Variants in MGAM2 observed in about 807,000 individuals in gnomAD.
The protein encoded by MGAM2 is maltase-glucoamylase 2 (putative).
MGAM2 carries 98 observed loss-of-function variants against 96.1 expected under a neutral mutation model. The observed-to-expected ratio is 1.02, with a 90% CI of 0.87 to 1.21. MGAM2 has a LOEUF of 1.21. MGAM2 is among the 50% of genes most tolerant of loss of function. The pLI, the probability that MGAM2 is intolerant of heterozygous loss-of-function variation, is 0.00. For synonymous variants in MGAM2, 749 were observed against 414.8 expected, an observed-to-expected ratio of 1.81 and a Z score of -9.79; for missense variants, 2,055 against 1,182.4, an observed-to-expected ratio of 1.74 and a Z score of -10.82.
intron 45 of MGAM2, among the ~76,000 whole-genome samples, chr7:142,205,588 C>A (rs1241930845): frequency 6.6e-6 from 1 of 151,934 alleles, no homozygotes; most frequent in Non-Finnish European, 1.5e-5. Flanking sequence ...TTTACATGTA[C>A]TTATTATTCA....
chr7:142,130,654 C>T (rs183495276), intron 3 of MGAM2, among the ~76,000 whole-genome samples: 62 of 152,318 alleles, frequency 4.1e-4, no homozygotes, highest in Middle Eastern at 3.4e-3. Flanking sequence ...CTCATATCAT[C>T]ATACTGTATG....
chr7:142,209,082 A>C (rs954217178), intron 46 of MGAM2, among the ~76,000 whole-genome samples: 2 of 152,116 alleles, frequency 1.3e-5, no homozygotes, highest in Admixed American at 1.3e-4. Context: ...TAGCTCACAT[A>C]CATCTCCAGT....
intron 23 of MGAM2, among the ~76,000 whole-genome samples, chr7:142,162,219 T>C (rs1302711171): frequency 6.6e-6 from 1 of 152,092 alleles, no homozygotes; most frequent in African/African-American, 2.4e-5. Context: ...AGAACTTTTT[T>C]TTTCCTGGAA....
rs149170691 is a variant in MGAM2 at position 142,183,231 on chromosome 7, C to T, written c.3817-35C>T. 6.4e-4 allele frequency: 441 copies of T among 686,392 alleles called. 3 individuals carry two copies. Among genetic ancestry groups the T allele is most frequent in the African/African-American group, 4.9e-3 (276 of 56,666 alleles). 42.5% of individuals were successfully genotyped at this position (686,392 alleles called of 1,614,324 possible). A position where few individuals can be genotyped will look rare whatever the true frequency, so the allele number is the denominator to read the frequency against. ...AGAGAAATTTTCTTAGAGATGTTTTCCTCACATTTGCTGTTTGAAATTCTT... is the reference window on the plus strand; with the variant it reads ...AGAGAAATTTTCTTAGAGATGTTTTTCTCACATTTGCTGTTTGAAATTCTT... On this transcript the variant is annotated intron_variant, in intron 32 of 47. Transcript: ENST00000477922.
At chr7:142,131,094 G>T (rs773306010) in intron 4 of MGAM2, 23 bp downstream of exon 4, 2 of 699,524 alleles carry the variant, frequency 2.9e-6, no homozygotes, top group South Asian at 3.0e-5. Context: ...CTGATGTTGC[G>T]CCTGGGAACA....
At chr7:142,165,742 G>T (rs948935616) in intron 24 of MGAM2, among the ~76,000 whole-genome samples, 2 of 152,162 alleles carry the variant, frequency 1.3e-5, no homozygotes, top group Non-Finnish European at 2.9e-5. Context: ...TTATAAAGTG[G>T]TTATCACAGT....
At chr7:142,131,464 C>A (rs980820236) in intron 4 of MGAM2, 54 bp from the exon 5 acceptor site, 44 of 682,802 alleles carry the variant, frequency 6.4e-5, no homozygotes, top group Middle Eastern at 2.3e-4. Context: ...AAAACAAAAC[C>A]AAACACTAAA....
chr7:142,139,431 G>A (rs552224226), intron 10 of MGAM2, among the ~76,000 whole-genome samples: 32 of 151,962 alleles, frequency 2.1e-4, no homozygotes, highest in African/African-American at 6.3e-4. Context: ...AGGCTGAGGC[G>A]GGCAGATCAC....
intron 37 of MGAM2, among the ~76,000 whole-genome samples, chr7:142,193,664 A>G (rs1445062753): frequency 2.6e-5 from 4 of 152,252 alleles, no homozygotes; most frequent in African/African-American, 7.2e-5. Flanking sequence ...TTTCCAACCT[A>G]GATTCCAGAT....
At chr7:142,175,881 CCTGTACT>C (rs1457140199) in intron 32 of MGAM2, 101 bp downstream of exon 32, 2 of 582,340 alleles carry the variant, frequency 3.4e-6, no homozygotes, top group East Asian at 3.0e-5. Flanking sequence ...CAGAAATGTT[CCTGTACT>C]CTGTACTTTT....
At chr7:142,179,640 T>C (rs571866754) in intron 32 of MGAM2, among the ~76,000 whole-genome samples, 1 of 152,340 alleles carries the variant, frequency 6.6e-6, no homozygotes, top group East Asian at 1.9e-4. Flanking sequence ...TAATTCTGTT[T>C]ATATGGCGAA....
Position 142,221,173 on chromosome 7 carries a change from C to A in MGAM2, c.6662C>A (p.Thr2221Asn). The change falls in exon 48 of 48, where the codon ACT becomes AAT. Residue 2221 changes from threonine to asparagine, a missense_variant. Coordinates refer to ENST00000477922, the MANE Select transcript of MGAM2 (RefSeq NM_001293626.2). ...AMNTTVIMAT[T>N]SPTSTDVAST... Reference sequence around the variant, plus strand: ...AACACTACTGTTATTATGGCAACTACTTCTCCTACAAGTACTGATGTTGCT... The same window carrying A: ...AACACTACTGTTATTATGGCAACTAATTCTCCTACAAGTACTGATGTTGCT... 1.4e-6 allele frequency: 1 copy of A among 702,554 alleles called. No individual in the cohort carries two copies. Among genetic ancestry groups the A allele is most frequent in the Non-Finnish European group, 2.6e-6 (1 of 384,760 alleles). 43.5% of individuals were successfully genotyped at this position (702,554 alleles called of 1,614,324 possible).
chr7:142,202,123 A>G (rs895675541), intron 45 of MGAM2, among the ~76,000 whole-genome samples: 2 of 152,212 alleles, frequency 1.3e-5, no homozygotes, highest in Non-Finnish European at 2.9e-5. Context: ...AGAAAATACA[A>G]ATCCAGTCTA....
intron 45 of MGAM2, among the ~76,000 whole-genome samples, chr7:142,204,987 C>T (rs938706731): frequency 6.6e-6 from 1 of 152,034 alleles, no homozygotes. Context: ...ATATTCCTGT[C>T]TCTTGGGAAA....
chr7:142,158,067 C>T lies in MGAM2; in HGVS notation c.2054C>T (p.Thr685Met), dbSNP rs535782000. Residue 685 changes from threonine to methionine, a missense_variant, in exon 18 of 48, where the codon ACG becomes ATG. Coordinates refer to ENST00000477922, the MANE Select transcript of MGAM2 (RefSeq NM_001293626.2). ...TACCATGCTCACACCCGGGGAGAGA[C>T]GGTAGCAAGGCCCCTTGTACATGAG... ...LFYHAHTRGE[T>M]VARPLVHEFY... 1.4e-4 allele frequency: 97 copies of T among 702,822 alleles called. No individual in the cohort carries two copies. Among genetic ancestry groups the T allele is most frequent in the South Asian group, 6.5e-4 (44 of 67,582 alleles). 43.5% of individuals were successfully genotyped at this position (702,822 alleles called of 1,614,324 possible).
intron 25 of MGAM2, 54 bp downstream of exon 25, chr7:142,166,307 G>C (rs1796025532): frequency 1.6e-6 from 1 of 640,420 alleles, no homozygotes; most frequent in Non-Finnish European, 2.8e-6. Flanking sequence ...TAGGCACCTA[G>C]AAAACACTTT....
chr7:142,184,125 A>C (rs1796626255), intron 33 of MGAM2, among the ~76,000 whole-genome samples: 1 of 151,512 alleles, frequency 6.6e-6, no homozygotes, highest in African/African-American at 2.4e-5. Flanking sequence ...TGTGTGTGCC[A>C]ACACTCCTGA....
At chr7:142,146,584 A>G (rs1199339703) in intron 14 of MGAM2, among the ~76,000 whole-genome samples, 2 of 152,148 alleles carry the variant, frequency 1.3e-5, no homozygotes, top group African/African-American at 4.8e-5. Flanking sequence ...GCCCCAGTGA[A>G]GAGTTCACAA....
Position 142,220,469 on chromosome 7 carries a change from A to C in MGAM2, c.5958A>C (p.Thr1986=), listed in dbSNP as rs758558749. 53 of 702,444 alleles carry C rather than the reference A, an allele frequency of 7.5e-5. No homozygotes were observed. In the South Asian group the frequency reaches 7.7e-4, roughly 10 times the overall value. 43.5% of individuals were successfully genotyped at this position (702,444 alleles called of 1,614,324 possible). The part of the protein sequence containing the change: ...TIPITTTPFA[T]STISVTTSTT... The stretch of plus-strand genomic sequence containing the variant: ...CTATCACAACCACACCTTTTGCAAC[A>C]AGTACTATTAGTGTTACAACTAGTA... Residue 1986 remains threonine (T), a synonymous_variant, in exon 48 of 48, where the codon ACA becomes ACC. Transcript: ENST00000477922.
Sources: gnomAD v4.1 joint callset for allele counts (sites outside exome capture counted in the v4.1 genomes callset) on GRCh38, gnomAD v4.1.1 for gene constraint, MANE v1.5 for transcripts, NCBI Gene and HGNC (gene_info 2026-07-23, HGNC 2026-07-21) for gene names.